ICA1: variants seen among roughly 807,000 people sequenced by gnomAD.
ICA1 encodes the protein 69 kDa islet cell autoantigen.
In ICA1, 40 loss-of-function variants were observed where a neutral mutation model predicts 71.0. The observed-to-expected ratio is 0.56, with a 90% CI of 0.44 to 0.73. ICA1 has a LOEUF of 0.73. Among genes scored for constraint, ICA1 ranks in the 30% least tolerant of loss-of-function variants. The pLI is 0.00. For missense variants in ICA1, 578 were observed against 576.5 expected, an observed-to-expected ratio of 1.00 and a Z score of -0.03; for synonymous variants, 207 against 209.5, an observed-to-expected ratio of 0.99 and a Z score of 0.10.
chr7:8,258,740 T>C (rs1255444226), intron 1 of ICA1, among the ~76,000 whole-genome samples: 1 of 152,072 alleles, frequency 6.6e-6, no homozygotes, highest in South Asian at 2.1e-4. Context: ...TACTTACAGG[T>C]CAAAAAACAA....
chr7:8,179,932 T>G (rs1781707584), intron 6 of ICA1, among the ~76,000 whole-genome samples: 1 of 152,128 alleles, frequency 6.6e-6, no homozygotes, highest in African/African-American at 2.4e-5. Flanking sequence ...TAAAACTCAC[T>G]TTATTCTATG....
intron 6 of ICA1, among the ~76,000 whole-genome samples, chr7:8,178,616 T>C (rs1781308119): frequency 6.6e-6 from 1 of 151,894 alleles, no homozygotes; most frequent in African/African-American, 2.4e-5. Context: ...GCTGCAGTAA[T>C]TGTGTGCCAA....
intron 6 of ICA1, among the ~76,000 whole-genome samples, chr7:8,187,949 A>G (rs182038833): frequency 1.8e-4 from 28 of 152,302 alleles, no homozygotes; most frequent in African/African-American, 5.1e-4. Context: ...AGACACTGAA[A>G]TATTCAGAAG....
intron 1 of ICA1, among the ~76,000 whole-genome samples, chr7:8,247,393 A>C (rs1322236996): frequency 6.6e-6 from 1 of 152,158 alleles, no homozygotes; most frequent in Non-Finnish European, 1.5e-5. Context: ...CCAGGAGGTC[A>C]AGGCTGCAGA....
chr7:8,239,622 CG>C (rs1803070665), intron 1 of ICA1, among the ~76,000 whole-genome samples: 1 of 152,164 alleles, frequency 6.6e-6, no homozygotes, highest in Admixed American at 6.5e-5. Context: ...TGCAAGGGGT[CG>C]GGGGATTTCC....
Position 8,169,492 on chromosome 7 carries a change from A to C in ICA1, c.580-10840T>G, listed in dbSNP as rs143078523. Among the ~76,000 whole-genome samples, 221 of 152,262 alleles carry C rather than the reference A, an allele frequency of 1.5e-3. 1 individual carries two copies. Among genetic ancestry groups the C allele is most frequent in the Middle Eastern group, 0.01 (3 of 294 alleles). On this transcript the variant is annotated intron_variant, in intron 6 of 13. Transcript: ENST00000402384. ...TGTATTCCTACCAGCAATGAATACAAGTTCTATTTGCTCCACATCCTCATT... is the reference window on the plus strand; with the variant it reads ...TGTATTCCTACCAGCAATGAATACACGTTCTATTTGCTCCACATCCTCATT...
chr7:8,121,044 T>C (rs897904517), intron 13 of ICA1, among the ~76,000 whole-genome samples: 2 of 152,148 alleles, frequency 1.3e-5, no homozygotes, highest in Non-Finnish European at 2.9e-5. Context: ...GTAGATAAAA[T>C]GTCCTGCTTC....
In ICA1 at chr7:8,226,486, C is replaced by T. The variant is rs1798650372; in HGVS notation, c.256+2115G>A. ...TGAAGGATAGCATACTATAGATACG[C>T]TTTTATGTTTTGCTTCTTTCACTTA... On this transcript the variant is annotated intron_variant, in intron 4 of 13. Coordinates refer to ENST00000402384, the MANE Select transcript of ICA1 (RefSeq NM_001136020.3). The surrounding 1 kb of genome is among the most constrained non-coding windows in gnomAD (Gnocchi z 4.4). Among the ~76,000 whole-genome samples, 1 of 152,184 alleles carries T rather than the reference C, an allele frequency of 6.6e-6. No individual in the cohort carries two copies. Among genetic ancestry groups the T allele is most frequent in the African/African-American group, 2.4e-5 (1 of 41,428 alleles).
intron 1 of ICA1, among the ~76,000 whole-genome samples, chr7:8,258,124 T>G (rs997587795): frequency 9.2e-5 from 14 of 152,184 alleles, no homozygotes; most frequent in African/African-American, 3.1e-4. Context: ...TGGGCTGCAT[T>G]ACCACCTGTG....
rs1383017772 is a variant in ICA1, at chr7:8,132,923, T to C, written c.1061-4781A>G. 6.6e-6 allele frequency among the ~76,000 whole-genome samples: 1 copy of C among 152,218 alleles called. No homozygotes were observed. The highest frequency in any genetic ancestry group is 1.5e-5 in the Non-Finnish European group (1 of 68,036). ...GTGCTCCATAGAGGAACCCTCTTACTGTGTATCTTTGCTTAGTCTGTGTTA... is the reference window on the plus strand; with the variant it reads ...GTGCTCCATAGAGGAACCCTCTTACCGTGTATCTTTGCTTAGTCTGTGTTA... On this transcript the variant is annotated intron_variant, in intron 12 of 13. Transcript: ENST00000402384. This position sits in a 1 kb window ranked among gnomAD's most constrained non-coding sequence, Gnocchi z 4.5.
At chr7:8,221,239 A>AT in intron 5 of ICA1, 36 bp downstream of exon 5, 27 of 1,612,066 alleles carry the variant, frequency 1.7e-5, no homozygotes, top group Non-Finnish European at 2.3e-5. Context: ...GTCTCCTCAG[A>AT]TCCCCCCAGA....
At chr7:8,260,579 A>G (rs949180518) in intron 1 of ICA1, among the ~76,000 whole-genome samples, 1 of 152,100 alleles carries the variant, frequency 6.6e-6, no homozygotes, top group African/African-American at 2.4e-5. Context: ...CCTTTGTAAT[A>G]CAAACAGAAA....
At chr7:8,214,158 A>G (rs992332227) in intron 6 of ICA1, among the ~76,000 whole-genome samples, 22 of 152,174 alleles carry the variant, frequency 1.4e-4, no homozygotes, top group African/African-American at 5.3e-4. Context: ...TACACCTAAC[A>G]CAGCTTTTAT....
rs139485222 is a variant in ICA1, at chr7:8,127,964, T to A, written c.1239A>T (p.Gly413=). ...CTGTCTGGGCCTTGGGGTCTGGCTCTCCCAGGGCCATAGTGGGCACTGGCT... is the reference window on the plus strand; with the variant it reads ...CTGTCTGGGCCTTGGGGTCTGGCTCACCCAGGGCCATAGTGGGCACTGGCT... ...VKEPVPTMAL[G]EPDPKAQTGS... The change falls in exon 13 of 14, where the codon GGA becomes GGT. Residue 413 remains glycine, a synonymous_variant. Transcript: ENST00000402384. The A allele has an allele frequency of 3.7e-5, 59 of 1,614,076 alleles. 1 individual carries two copies. In the African/African-American group the frequency reaches 4.7e-4, roughly 13 times the overall value.
At chr7:8,128,344 C>T (rs1411652563) in intron 12 of ICA1, among the ~76,000 whole-genome samples, 2 of 152,212 alleles carry the variant, frequency 1.3e-5, no homozygotes, top group Admixed American at 1.3e-4. Flanking sequence ...CCCTTGTCCC[C>T]TGTCCTCCAA....
At chr7:8,242,268 A>G (rs1357061358) in intron 1 of ICA1, among the ~76,000 whole-genome samples, 1 of 152,242 alleles carries the variant, frequency 6.6e-6, no homozygotes, top group Non-Finnish European at 1.5e-5. Flanking sequence ...AACTCACTCA[A>G]AATGACACAA....
chr7:8,127,835 C>A, intron 13 of ICA1, 38 bp downstream of exon 13: 1 of 1,537,954 alleles, frequency 6.5e-7, no homozygotes, highest in Non-Finnish European at 8.7e-7. Context: ...AAAGAATGAA[C>A]AAACAAAAAA....
intron 5 of ICA1, among the ~76,000 whole-genome samples, chr7:8,220,672 C>T (rs1442237085): frequency 6.6e-6 from 1 of 152,154 alleles, no homozygotes; most frequent in Non-Finnish European, 1.5e-5. Flanking sequence ...TGCCACTCAT[C>T]TACCACAATT....
At chr7:8,151,582 T>C (rs1160943963) in intron 8 of ICA1, among the ~76,000 whole-genome samples, 1 of 152,202 alleles carries the variant, frequency 6.6e-6, no homozygotes, top group Non-Finnish European at 1.5e-5. Flanking sequence ...AATTGTCTTG[T>C]TGGGACTGGT....
Sources: gnomAD v4.1 joint callset for allele counts (sites outside exome capture counted in the v4.1 genomes callset) on GRCh38, gnomAD v4.1.1 for gene constraint, Gnocchi (gnomAD v3.1) non-coding constraint, MANE v1.5 for transcripts, NCBI Gene and HGNC (gene_info 2026-07-23, HGNC 2026-07-21) for gene names.